Variants in TGM1 observed in about 807,000 individuals in gnomAD.
TGM1 encodes the protein transglutaminase 1, also known as protein-glutamine gamma-glutamyltransferase K.
In TGM1, 63 loss-of-function variants were observed where a neutral mutation model predicts 88.7. The observed-to-expected ratio is 0.71, with a 90% CI of 0.58 to 0.88. TGM1 has a LOEUF of 0.88. TGM1 is among the 40% of genes least tolerant of loss of function. The pLI is 0.00. For missense variants in TGM1, 996 were observed against 1,118.0 expected (o/e 0.89, Z 1.56); for synonymous variants, 415 against 431.1 (o/e 0.96, Z 0.46).
chr14:24,254,339 A>G, intron 13 of TGM1, 51 bp from the exon 14 acceptor site: 1 of 1,613,216 alleles, frequency 6.2e-7, no homozygotes, highest in East Asian at 2.2e-5. Flanking sequence ...GGCCAAACAC[A>G]CGGGGACCGT....
At position 24,254,161 on chromosome 14, in the gene TGM1, A is replaced by G. The variant is rs781337282; in HGVS notation, c.2216T>C (p.Leu739Pro). The change falls in exon 14 of 15, where the codon CTC becomes CCC. Residue 739 changes from leucine to proline, a missense_variant. Physicochemically the swap from Leu to Pro is moderately conservative, Grantham distance 98. Transcript: ENST00000206765. Reference sequence around the variant, plus strand: ...GAGAGGCCAGACTCACCCAACGTTGAGGATCTTGGGCCTCTGTAACCCAGA... The same window carrying G: ...GAGAGGCCAGACTCACCCAACGTTGGGGATCTTGGGCCTCTGTAACCCAGA... ...EGSGLQRPKI[L>P]NVGDIGGNET... 2.8e-5 allele frequency: 45 copies of G among 1,611,836 alleles called. No homozygotes were observed. Among genetic ancestry groups the G allele is most frequent in the Non-Finnish European group, 3.6e-5 (43 of 1,179,076 alleles).
chr14:24,262,171 C>T lies in TGM1; in HGVS notation c.182G>A (p.Trp61Ter), dbSNP rs1232497911. ...CSCRNAADDDWGPEPSDSRGR... is the reference protein window; with the variant it reads ...CSCRNAADDD Reference sequence around the variant, plus strand: ...CCTGGAGTCAGAGGGTTCAGGTCCCCAGTCGTCATCTGCCGCATTTCGGCA... The same window carrying T: ...CCTGGAGTCAGAGGGTTCAGGTCCCTAGTCGTCATCTGCCGCATTTCGGCA... Residue 61 changes from tryptophan (W) to a stop codon, truncating the protein, a stop_gained, in exon 2 of 15, where the codon TGG (tryptophan) becomes TAG (stop). Transcript: ENST00000206765. LOFTEE classifies it high-confidence loss of function. The T allele has an allele frequency of 6.2e-7, 1 of 1,613,734 alleles. No homozygotes were observed. Among genetic ancestry groups the T allele is most frequent in the Non-Finnish European group, 8.5e-7 (1 of 1,180,038 alleles).
chr14:24,260,272 C>T, intron 4 of TGM1, 178 bp downstream of exon 4: 2 of 1,084,966 alleles, frequency 1.8e-6, no homozygotes, highest in East Asian at 2.6e-5. Flanking sequence ...GTGTGGCTGG[C>T]TGTGTGACCC....
chr14:24,255,901 G>T lies in TGM1; in HGVS notation c.1491+88C>A. ...CTTGTATAATGAGTGACTTGCCCCG[G>T]GTCGCAGAGCTGGTCAGTCAGCGGT... On this transcript the variant is annotated intron_variant, in intron 10 of 14. Coordinates refer to ENST00000206765, the MANE Select transcript of TGM1 (RefSeq NM_000359.3). This position sits in a 1 kb window ranked among gnomAD's most constrained non-coding sequence, Gnocchi z 4.0. 8.9e-7 allele frequency: 1 copy of T among 1,125,418 alleles called. No homozygotes were observed. The highest frequency in any genetic ancestry group is 1.3e-6 in the Non-Finnish European group (1 of 758,982). 69.7% of individuals were successfully genotyped at this position (1,125,418 alleles called of 1,614,324 possible).
rs2139019955 is a variant in TGM1 at position 24,255,452 on chromosome 14, C to T, written c.1557G>A (p.Glu519=). The T allele has an allele frequency of 6.2e-6, 10 of 1,614,140 alleles. No individual in the cohort carries two copies. The highest frequency in any genetic ancestry group is 1.7e-4 in the Middle Eastern group (1 of 6,056). The change falls in exon 11 of 15, where the codon GAG becomes GAA. Residue 519 remains glutamate (E), a synonymous_variant. Coordinates refer to ENST00000206765, the MANE Select transcript of TGM1 (RefSeq NM_000359.3). This position sits in a 1 kb window ranked among gnomAD's most constrained non-coding sequence, Gnocchi z 4.0. The part of the protein sequence containing the change: ...DDGSFKIVYV[E]EKAIGTLIVT... ...CAATGAGTGTGCCGATGGCCTTCTC[C>T]TCCACATAAACAATCTTGAAGCTGC...
At position 24,260,206 on chromosome 14, in the gene TGM1, G is replaced by A. The variant is rs1284032621; in HGVS notation, c.758-148C>T. 4.3e-6 allele frequency: 4 copies of A among 933,886 alleles called. No individual in the cohort carries two copies. The Admixed American group carries it at 5.8e-5, about 14-fold the overall frequency. 57.8% of individuals were successfully genotyped at this position (933,886 alleles called of 1,614,324 possible). On this transcript the variant is annotated intron_variant, in intron 4 of 14. Coordinates refer to ENST00000206765, the MANE Select transcript of TGM1 (RefSeq NM_000359.3). ...CAGGACTGCTGTGGGAGGACACGGGGAGCATGACAGATGGTGGAGGAGATT... is the reference window on the plus strand; with the variant it reads ...CAGGACTGCTGTGGGAGGACACGGGAAGCATGACAGATGGTGGAGGAGATT...
In TGM1 at chr14:24,254,284, A is replaced by G. The variant is rs997168281; in HGVS notation, c.2093T>C (p.Leu698Pro). The G allele has an allele frequency of 8.7e-6, 14 of 1,614,042 alleles. No individual in the cohort carries two copies. The highest frequency in any genetic ancestry group is 1.2e-5 in the Non-Finnish European group (14 of 1,180,004). Residue 698 changes from leucine (L) to proline (P), a missense_variant, in exon 14 of 15, where the codon CTG becomes CCG. By Grantham distance (98) the Leu-to-Pro change is moderately conservative. Transcript: ENST00000206765. ...CTCCTGGCCAACCACTGCTGCTCCC[A>G]GTAACTGAGAGAAAAAGAGGCCCAT... The part of the protein sequence containing the change: ...LRTPDLSLTL[L>P]GAAVVGQECE...
In TGM1 at chr14:24,259,617, G is replaced by T; in HGVS notation, c.984+87C>A. On this transcript the variant is annotated intron_variant, in intron 6 of 14. Coordinates refer to ENST00000206765, the MANE Select transcript of TGM1 (RefSeq NM_000359.3). The surrounding 1 kb of genome is among the most constrained non-coding windows in gnomAD (Gnocchi z 5.7). ...AGGGACAGGGCTGGGGGTTCTTGAG[G>T]AATCCAGAAAGGGCAGGAGGAGGGT... The T allele has an allele frequency of 1.7e-6, 2 of 1,152,478 alleles. No homozygotes were observed. Among genetic ancestry groups the T allele is most frequent in the Non-Finnish European group, 2.5e-6 (2 of 787,472 alleles). 71.4% of individuals were successfully genotyped at this position (1,152,478 alleles called of 1,614,324 possible).
rs1046503955 is a variant in TGM1 at position 24,254,163 on chromosome 14, G to A, written c.2214C>T (p.Ile738=). The change falls in exon 14 of 15, where the codon ATC becomes ATT. Residue 738 remains isoleucine, a synonymous_variant. Coordinates refer to ENST00000206765, the MANE Select transcript of TGM1 (RefSeq NM_000359.3). ...LEGSGLQRPK[I]LNVGDIGGNE... ...GAGGCCAGACTCACCCAACGTTGAG[G>A]ATCTTGGGCCTCTGTAACCCAGAGC... 1.2e-6 allele frequency: 2 copies of A among 1,612,172 alleles called. No individual in the cohort carries two copies. The highest frequency in any genetic ancestry group is 1.7e-6 in the Non-Finnish European group (2 of 1,179,168).
chr14:24,251,397 C>T (rs2139015741), intron 14 of TGM1, among the ~76,000 whole-genome samples: 1 of 152,244 alleles, frequency 6.6e-6, no homozygotes, highest in Admixed American at 6.5e-5. Context: ...AGAAAGTAAC[C>T]TTTACATTGC....
Position 24,259,353 on chromosome 14 carries a change from AC to A in TGM1, c.985-105del. The stretch of plus-strand genomic sequence containing the variant: ...GGCCCCGATCCTGCAACCACCCCTT[AC>A]CCCTAAATGCCTCAGGATCCAGACA... On this transcript the variant is annotated intron_variant, in intron 6 of 14. Transcript: ENST00000206765. This position sits in a 1 kb window ranked among gnomAD's most constrained non-coding sequence, Gnocchi z 5.7. 2 of 1,122,602 alleles carry A rather than the reference AC, an allele frequency of 1.8e-6. No individual in the cohort carries two copies. The highest frequency in any genetic ancestry group is 2.6e-6 in the Non-Finnish European group (2 of 764,270). The allele number at this position is 1,122,602 out of a possible 1,614,324, so 69.5% of individuals were successfully genotyped here.
At chr14:24,257,326 A>T (rs1455634021) in intron 9 of TGM1, among the ~76,000 whole-genome samples, 1 of 152,200 alleles carries the variant, frequency 6.6e-6, no homozygotes. Flanking sequence ...GGGCTGGGGT[A>T]TCACGGTAAG....
At position 24,259,669 on chromosome 14, in the gene TGM1, C is replaced by T; in HGVS notation, c.984+35G>A. On this transcript the variant is annotated intron_variant, in intron 6 of 14. Transcript: ENST00000206765. This position sits in a 1 kb window ranked among gnomAD's most constrained non-coding sequence, Gnocchi z 5.7. ...GGGGTGTGGCGAGGCAGCAGGCACA[C>T]ACACAGTAGGACTCAGAGATGTGAG... The T allele has an allele frequency of 6.4e-7, 1 of 1,566,918 alleles. No homozygotes were observed. Among genetic ancestry groups the T allele is most frequent in the Non-Finnish European group, 8.7e-7 (1 of 1,145,798 alleles).
rs74037083 is a variant in TGM1, at chr14:24,261,266, C to T, written c.508+429G>A. Among the ~76,000 whole-genome samples the T allele has an allele frequency of 4.3e-3, 654 of 152,208 alleles. 5 individuals are homozygous for T. Among genetic ancestry groups the T allele is most frequent in the African/African-American group, 0.015 (618 of 41,510 alleles). Reference sequence around the variant, plus strand: ...ACCAAGCAACGCGGTAAGGGAGGCACCTGCCTTGGGTCATGGGGACAGAGG... The same window carrying T: ...ACCAAGCAACGCGGTAAGGGAGGCATCTGCCTTGGGTCATGGGGACAGAGG... On this transcript the variant is annotated intron_variant, in intron 3 of 14. Coordinates refer to ENST00000206765, the MANE Select transcript of TGM1 (RefSeq NM_000359.3).
At chr14:24,250,189 A>AGAGAGGT (rs1292611777) in intron 14 of TGM1, among the ~76,000 whole-genome samples, 1 of 145,866 alleles carries the variant, frequency 6.9e-6, no homozygotes, top group African/African-American at 2.6e-5. Flanking sequence ...TGAGAGAGAC[A>AGAGAGGT]GAGAGGTGGG....
Position 24,259,863 on chromosome 14 carries a change from C to T in TGM1, c.877-52G>A, listed in dbSNP as rs41293790. 1,066 of 1,609,858 alleles carry T rather than the reference C, an allele frequency of 6.6e-4. 9 individuals are homozygous for T. In the Admixed American group the frequency reaches 0.014, roughly 21 times the overall value. ...TGACAGCCTGAACCCTAGGCCAGCA[C>T]CCTGCTCCAATACCCCAGCCCCCAC... On this transcript the variant is annotated intron_variant, in intron 5 of 14. Transcript: ENST00000206765. This position sits in a 1 kb window ranked among gnomAD's most constrained non-coding sequence, Gnocchi z 5.7.
At position 24,262,145 on chromosome 14, in the gene TGM1, C is replaced by A; in HGVS notation, c.208G>T (p.Gly70Cys). ...CGAGTGCCAGAGCTGGACCCTCGACCCCTGGAGTCAGAGGGTTCAGGTCCC... is the reference window on the plus strand; with the variant it reads ...CGAGTGCCAGAGCTGGACCCTCGACACCTGGAGTCAGAGGGTTCAGGTCCC... ...DWGPEPSDSR[G>C]RGSSSGTRRP... The change falls in exon 2 of 15, where the codon GGT (glycine) becomes TGT (cysteine). Residue 70 changes from glycine to cysteine, a missense_variant. Transcript: ENST00000206765. 6.2e-7 allele frequency: 1 copy of A among 1,613,726 alleles called. No homozygotes were observed. Among genetic ancestry groups the A allele is most frequent in the Non-Finnish European group, 8.5e-7 (1 of 1,180,038 alleles).
In TGM1 at chr14:24,258,528, A is replaced by C; in HGVS notation, c.1298+7T>G. ...TCAGCACAGATGGGCAGTCCACCCCAGCTCACCAGACAGAATCATGGTTCA... is the reference window on the plus strand; with the variant it reads ...TCAGCACAGATGGGCAGTCCACCCCCGCTCACCAGACAGAATCATGGTTCA... On this transcript the variant is annotated splice_region_variant and intron_variant, in intron 8 of 14. Transcript: ENST00000206765. The C allele has an allele frequency of 6.4e-7, 1 of 1,566,292 alleles. No individual in the cohort carries two copies. Among genetic ancestry groups the C allele is most frequent in the Non-Finnish European group, 8.7e-7 (1 of 1,152,080 alleles).
Position 24,259,181 on chromosome 14 carries a change from G to A in TGM1, c.1053C>T (p.Asn351=), listed in dbSNP as rs769764727. 2 of 1,614,140 alleles carry A rather than the reference G, an allele frequency of 1.2e-6. No homozygotes were observed. The highest frequency in any genetic ancestry group is 1.7e-6 in the Non-Finnish European group (2 of 1,180,008). ...CCACGCTGCCCACCCACGCTGATGG[G>A]TTGGTGCCTCGGGAGTAATCACCAG... ...NWSGDYSRGT[N]PSAWVGSVEI... The change falls in exon 7 of 15, where the codon AAC becomes AAT. Residue 351 remains asparagine, a synonymous_variant. Transcript: ENST00000206765. The surrounding 1 kb of genome is among the most constrained non-coding windows in gnomAD (Gnocchi z 5.7).
Sources: allele counts gnomAD v4.1 joint callset (sites outside exome capture counted in the v4.1 genomes callset), GRCh38; gene constraint gnomAD v4.1.1; non-coding constraint Gnocchi (gnomAD v3.1); transcripts MANE v1.5; gene names NCBI Gene and HGNC (gene_info 2026-07-23, HGNC 2026-07-21).